Variants in SLC35F2 observed in about 807,000 individuals in gnomAD.
The protein encoded by SLC35F2 is solute carrier family 35 member F2.
Under a neutral mutation model 38.1 loss-of-function variants are expected in SLC35F2, and 25 were observed. The ratio of observed to expected loss-of-function variants is 0.66; its 90% CI spans 0.48 to 0.92. The LOEUF is 0.92. Ranked by LOEUF, SLC35F2 falls within the 40% of genes least tolerant of loss-of-function variation. The pLI is 0.00. For synonymous variants in SLC35F2, 173 were observed against 181.7 expected, an observed-to-expected ratio of 0.95 and a Z score of 0.38; for missense variants, 409 against 452.9, an observed-to-expected ratio of 0.90 and a Z score of 0.88.
intron 2 of SLC35F2, among the ~76,000 whole-genome samples, chr11:107,813,243 G>C (rs917515361): frequency 6.6e-6 from 1 of 152,024 alleles, no homozygotes; most frequent in Non-Finnish European, 1.5e-5. Flanking sequence ...TCAGGAGTTC[G>C]AGACCAGCCT....
At chr11:107,829,086 C>T (rs1305108688) in intron 1 of SLC35F2, among the ~76,000 whole-genome samples, 3 of 143,110 alleles carry the variant, frequency 2.1e-5, no homozygotes, top group South Asian at 2.2e-4. Flanking sequence ...CCAGCCTGGG[C>T]GACAGAGTGA....
At chr11:107,802,860 C>G (rs11212383) in intron 7 of SLC35F2, 141 bp downstream of exon 7, 26,696 of 758,966 alleles carry the variant, frequency 0.035, 1,084 homozygotes, top group African/African-American at 0.17. Flanking sequence ...AATTCAGAAG[C>G]AGCAAAGGGA....
In SLC35F2 at chr11:107,824,095, C is replaced by A. The variant is rs1341765310; in HGVS notation, c.111-8130G>T. On this transcript the variant is annotated intron_variant, in intron 1 of 7. Coordinates refer to ENST00000525815, the MANE Select transcript of SLC35F2 (RefSeq NM_017515.5). ...AATTCTAGTAAGCATGAGTAGCTTG[C>A]AATTGTGAAGAACCTACATTCTGTT... 3 of 751,318 alleles carry A rather than the reference C, an allele frequency of 4.0e-6. No homozygotes were observed. In the African/African-American group the frequency reaches 5.7e-5, roughly 14 times the overall value. 46.5% of individuals were successfully genotyped at this position (751,318 alleles called of 1,614,324 possible).
At chr11:107,804,496 C>G (rs907208174) in intron 6 of SLC35F2, among the ~76,000 whole-genome samples, 1 of 152,178 alleles carries the variant, frequency 6.6e-6, no homozygotes, top group Non-Finnish European at 1.5e-5. Flanking sequence ...TCCTAGTAAC[C>G]AAAGGCTATT....
intron 7 of SLC35F2, among the ~76,000 whole-genome samples, chr11:107,801,293 A>C (rs1360562325): frequency 6.6e-6 from 1 of 152,218 alleles, no homozygotes; most frequent in East Asian, 1.9e-4. Flanking sequence ...AATGTTCTAG[A>C]AGCTACATGA....
chr11:107,843,846 T>TAAAAA (rs780744909), intron 1 of SLC35F2, among the ~76,000 whole-genome samples: 4 of 45,196 alleles, frequency 8.9e-5, no homozygotes, highest in East Asian at 7.9e-4. Context: ...CTCTGTATCT[T>TAAAAA]AAAAAAAAAA....
chr11:107,802,242 A>AAAAAAATAAATAAATAAAT lies in SLC35F2; in HGVS notation c.939+758_939+759insATTTATTTATTTATTTTTT, dbSNP rs559048077. Among the ~76,000 whole-genome samples, 279 of 147,978 alleles carry AAAAAAATAAATAAATAAAT rather than the reference A, an allele frequency of 1.9e-3. 2 individuals carry two copies. The East Asian group carries it at 0.019, about 10-fold the overall frequency. On this transcript the variant is annotated intron_variant, in intron 7 of 7. Transcript: ENST00000525815. ...AACAGAGTGAGACTCCATCTCAAAA[A>AAAAAAATAAATAAATAAAT]AAATAAATAAATAATAAAATAAAAT...
intron 1 of SLC35F2, among the ~76,000 whole-genome samples, chr11:107,816,625 A>G (rs1409583294): frequency 6.6e-6 from 1 of 152,008 alleles, no homozygotes; most frequent in Non-Finnish European, 1.5e-5. Flanking sequence ...AATTAAAGAA[A>G]CAAGTTGACT....
intron 1 of SLC35F2, among the ~76,000 whole-genome samples, chr11:107,843,856 AAAAAAAAAAAAAATATATATATAT>A (rs1354151043): frequency 3.8e-4 from 14 of 36,942 alleles, no homozygotes; most frequent in East Asian, 2.3e-3. Flanking sequence ...TAAAAAAAAA[AAAAAAAAAAAAAATATATATATAT>A]ATATATATAT....
chr11:107,819,148 T>G (rs917657396), intron 1 of SLC35F2, among the ~76,000 whole-genome samples: 2 of 152,204 alleles, frequency 1.3e-5, no homozygotes, highest in African/African-American at 4.8e-5. Context: ...TCTATTTCTA[T>G]AGTAAAGTTT....
At chr11:107,856,612 G>A (rs756937630) in intron 1 of SLC35F2, among the ~76,000 whole-genome samples, 2 of 152,150 alleles carry the variant, frequency 1.3e-5, no homozygotes, top group Non-Finnish European at 2.9e-5. Flanking sequence ...CAGGATAATC[G>A]CTTGAACCCG....
intron 1 of SLC35F2, chr11:107,821,600 G>A (rs1668864702): frequency 1.0e-6 from 1 of 985,276 alleles, no homozygotes; most frequent in African/African-American, 1.7e-5. Flanking sequence ...ACAAGGTCCT[G>A]GTTCATGTGA....
intron 1 of SLC35F2, among the ~76,000 whole-genome samples, chr11:107,843,480 G>T (rs1292857174): frequency 6.6e-6 from 1 of 151,676 alleles, no homozygotes; most frequent in Non-Finnish European, 1.5e-5. Flanking sequence ...AACCCAAGAG[G>T]TGGAGATTAC....
intron 1 of SLC35F2, among the ~76,000 whole-genome samples, chr11:107,854,285 C>A (rs1456746639): frequency 7.7e-6 from 1 of 129,672 alleles, no homozygotes; most frequent in South Asian, 2.5e-4. Context: ...AAAAAAAAAA[C>A]TAGTAGTGCG....
At chr11:107,830,358 G>A (rs1291402149) in intron 1 of SLC35F2, among the ~76,000 whole-genome samples, 2 of 152,006 alleles carry the variant, frequency 1.3e-5, no homozygotes, top group African/African-American at 4.8e-5. Flanking sequence ...GGCCGAGGCG[G>A]GCAGATCACG....
At chr11:107,804,155 T>C (rs1308200409) in intron 6 of SLC35F2, among the ~76,000 whole-genome samples, 1 of 152,102 alleles carries the variant, frequency 6.6e-6, no homozygotes, top group Non-Finnish European at 1.5e-5. Context: ...AGTTATTTAA[T>C]TGAATTAAAT....
rs34376803 is a variant in SLC35F2 at position 107,833,518 on chromosome 11, C to CAAAAAAAAAAAAAAAAAAAAAAAAAAAA, written c.111-17554_111-17553insTTTTTTTTTTTTTTTTTTTTTTTTTTTT. On this transcript the variant is annotated intron_variant, in intron 1 of 7. Coordinates refer to ENST00000525815, the MANE Select transcript of SLC35F2 (RefSeq NM_017515.5). ...TGGGCATCAGAGTGAGACTCTGTCT[C>CAAAAAAAAAAAAAAAAAAAAAAAAAAAA]AAAAAAAAAAAAAAAAAAAGGAGAG... is the stretch of plus-strand genomic sequence containing the variant. Among the ~76,000 whole-genome samples, 8 of 89,542 alleles carry CAAAAAAAAAAAAAAAAAAAAAAAAAAAA rather than the reference C, an allele frequency of 8.9e-5. 1 individual carries two copies. The highest frequency in any genetic ancestry group is 3.4e-4 in the African/African-American group (7 of 20,568). The allele number at this position is 89,542 out of a possible 152,430, so 58.7% of individuals were successfully genotyped here. A position where few individuals can be genotyped will look rare whatever the true frequency, so the allele number is the denominator to read the frequency against.
At chr11:107,846,819 ACTCAGGAGGCTGAGGCAGGAGAATCGCTT>A (rs1204792518) in intron 1 of SLC35F2, among the ~76,000 whole-genome samples, 2 of 151,764 alleles carry the variant, frequency 1.3e-5, no homozygotes, top group Non-Finnish European at 2.9e-5. Flanking sequence ...AATCCCAGCT[ACTCAGGAGGCTGAGGCAGGAGAATCGCTT>A]GAACCCGGGA....
intron 1 of SLC35F2, chr11:107,823,926 C>CA (rs58357861): frequency 3.2e-3 from 2,032 of 644,992 alleles, no homozygotes; most frequent in South Asian, 3.7e-3. Flanking sequence ...AAGACAGTCT[C>CA]AAAAAAAAAA....
Sources: allele counts gnomAD v4.1 joint callset (sites outside exome capture counted in the v4.1 genomes callset), GRCh38; gene constraint gnomAD v4.1.1; transcripts MANE v1.5; gene names NCBI Gene and HGNC (gene_info 2026-07-23, HGNC 2026-07-21).